C2orf78: variants seen among roughly 807,000 people sequenced by gnomAD.
The protein encoded by C2orf78 is chromosome 2 open reading frame 78.
Under a neutral mutation model 21.4 loss-of-function variants are expected in C2orf78, and 12 were observed. The observed-to-expected ratio is 0.56, with a 90% CI of 0.36 to 0.91. The LOEUF is 0.91. Ranked by LOEUF, C2orf78 falls within the 40% of genes least tolerant of loss-of-function variation. The pLI is 0.01. For missense variants in C2orf78, 1,042 were observed against 1,092.4 expected, an observed-to-expected ratio of 0.95 and a Z score of 0.65; for synonymous variants, 396 against 413.9, an observed-to-expected ratio of 0.96 and a Z score of 0.52.
In C2orf78 at chr2:73,815,402, C is replaced by T. The variant is rs143445466; in HGVS notation, c.1179C>T (p.Pro393=). The change falls in exon 3 of 3, where the codon CCC becomes CCT. Residue 393 remains proline (P), a synonymous_variant. Transcript: ENST00000409561. ...CTCCACTACTTCCTGTAGAAATCCC[C>T]GATATTCACCCGCTTCTGGCCTGCA... is the stretch of plus-strand genomic sequence containing the variant. The T allele has an allele frequency of 6.4e-5, 104 of 1,613,890 alleles. 1 individual carries two copies. The East Asian group carries it at 9.6e-4, about 15-fold the overall frequency.
chr2:73,785,635 G>C (rs1011860895), intron 1 of C2orf78, among the ~76,000 whole-genome samples: 5 of 152,082 alleles, frequency 3.3e-5, no homozygotes, highest in Non-Finnish European at 5.9e-5. Flanking sequence ...AAGGAAACAG[G>C]CTACATTACA....
At chr2:73,814,758 T>G (rs894634719) in intron 2 of C2orf78, among the ~76,000 whole-genome samples, 4 of 152,030 alleles carry the variant, frequency 2.6e-5, no homozygotes, top group Middle Eastern at 3.4e-3. Context: ...CTCAGGAGAG[T>G]GGAGAGAATT....
rs1434538169 is a variant in C2orf78 at position 73,784,302 on chromosome 2, C to A, written c.-8C>A. On this transcript the variant is annotated 5_prime_UTR_variant, in exon 1 of 3. The change creates a new upstream start codon in the 5' untranslated region. Coordinates refer to ENST00000409561, the Ensembl canonical transcript of C2orf78. ...TAACCAGTGACCAGTGGCCTTCATA[C>A]TGGACACATGCACTGGTTGGCTTCA... The A allele has an allele frequency of 4.6e-6, 6 of 1,304,986 alleles. No individual in the cohort carries two copies. The South Asian group carries it at 6.4e-5, about 14-fold the overall frequency. 80.8% of individuals were successfully genotyped at this position (1,304,986 alleles called of 1,614,324 possible).
At chr2:73,815,525 G>T (rs747340657) in exon 3 of C2orf78, 1 of 1,613,796 alleles carries the variant, frequency 6.2e-7, no homozygotes, top group Non-Finnish European at 8.5e-7. Context: ...TTGAAAATGG[G>T]ATTGAGTCTA....
At chr2:73,810,672 A>T (rs1673066133) in intron 1 of C2orf78, among the ~76,000 whole-genome samples, 1 of 134,126 alleles carries the variant, frequency 7.5e-6, no homozygotes, top group African/African-American at 2.9e-5. Flanking sequence ...TATATATAAT[A>T]TAATAAAATA....
chr2:73,816,988 T>C, exon 3 of C2orf78: 7 of 1,605,736 alleles, frequency 4.4e-6, no homozygotes, highest in South Asian at 1.1e-5. Flanking sequence ...GGCTACACAA[T>C]CTAAGAGCTG....
chr2:73,814,095 C>G lies in C2orf78; in HGVS notation c.716C>G (p.Ala239Gly), dbSNP rs754748087. The G allele has an allele frequency of 1.9e-6, 3 of 1,613,038 alleles. No homozygotes were observed. The Admixed American group carries it at 5.0e-5, about 27-fold the overall frequency. Residue 239 changes from alanine (A) to glycine (G), a missense_variant, in exon 2 of 3, where the codon GCT becomes GGT. Physicochemically the swap from Ala to Gly is moderately conservative, Grantham distance 60 (BLOSUM62 0). Coordinates refer to ENST00000409561, the Ensembl canonical transcript of C2orf78. The stretch of plus-strand genomic sequence containing the variant: ...TCTGTGTCATACACAGGATATAGGG[C>G]TTCTGCCCATCAACCAGAAATGGTG...
At chr2:73,809,909 G>C (rs1215226302) in intron 1 of C2orf78, among the ~76,000 whole-genome samples, 2 of 152,084 alleles carry the variant, frequency 1.3e-5, no homozygotes, top group African/African-American at 4.8e-5. Context: ...AAGGAATTTG[G>C]TATTTTAATT....
exon 2 of C2orf78, chr2:73,813,934 T>C: frequency 2.5e-6 from 4 of 1,614,048 alleles, no homozygotes; most frequent in Non-Finnish European, 3.4e-6. Flanking sequence ...CTGCCAGCCT[T>C]GTTCAGGGGA....
chr2:73,815,144 A>G, exon 3 of C2orf78: 1 of 1,613,956 alleles, frequency 6.2e-7, no homozygotes, highest in East Asian at 2.2e-5. Context: ...GTCTGCCACA[A>G]ACTCCAGAAT....
intron 1 of C2orf78, among the ~76,000 whole-genome samples, chr2:73,813,047 T>C (rs758627606): frequency 2.0e-5 from 3 of 152,182 alleles, no homozygotes; most frequent in Non-Finnish European, 4.4e-5. Context: ...ATTAACATAA[T>C]GGTAAAACTT....
rs1478086669 is a variant in C2orf78, at chr2:73,808,247, C to G, written c.98-5230C>G. ...CCAGCCTGGGTGACAGAGCCAGACT[C>G]CATCTCACAAAAAATTCAATAAAAT... On this transcript the variant is annotated intron_variant, in intron 1 of 2. Transcript: ENST00000409561. Among the ~76,000 whole-genome samples, 3 of 150,870 alleles carry G rather than the reference C, an allele frequency of 2.0e-5. No individual in the cohort carries two copies. In the South Asian group the frequency reaches 6.3e-4, roughly 31 times the overall value.
exon 3 of C2orf78, chr2:73,815,837 C>T: frequency 6.2e-7 from 1 of 1,613,754 alleles, no homozygotes; most frequent in South Asian, 1.1e-5. Flanking sequence ...GTGCTACAGT[C>T]AGTAACAGCG....
At chr2:73,815,733 C>A in exon 3 of C2orf78, 1 of 1,613,538 alleles carries the variant, frequency 6.2e-7, no homozygotes, top group Non-Finnish European at 8.5e-7. Context: ...GAAGAACAAG[C>A]ATAAAGCTTC....
chr2:73,816,248 G>T, exon 3 of C2orf78: 1 of 1,613,866 alleles, frequency 6.2e-7, no homozygotes, highest in South Asian at 1.1e-5. Flanking sequence ...AACCATGGCT[G>T]GATATCCAAC....
intron 1 of C2orf78, chr2:73,808,730 G>A (rs1573197245): frequency 2.0e-5 from 31 of 1,514,220 alleles, no homozygotes; most frequent in East Asian, 5.1e-5. Flanking sequence ...TTTCCTGGGC[G>A]TGGCCTGTAA....
exon 3 of C2orf78, chr2:73,815,255 T>C (rs1419812738): frequency 6.2e-7 from 1 of 1,613,764 alleles, no homozygotes; most frequent in African/African-American, 1.3e-5. Context: ...GTCCTACTAA[T>C]CTCTTGACAC....
intron 1 of C2orf78, among the ~76,000 whole-genome samples, chr2:73,809,738 C>A (rs1179138432): frequency 2.0e-5 from 3 of 152,138 alleles, no homozygotes; most frequent in East Asian, 3.9e-4. Context: ...GAGTCAGGTT[C>A]ACACCACTGG....
rs1201097514 is a variant in C2orf78 at position 73,786,129 on chromosome 2, C to T, written c.97+1723C>T. Among the ~76,000 whole-genome samples the T allele has an allele frequency of 3.3e-5, 5 of 152,030 alleles. 1 individual carries two copies. The highest frequency in any genetic ancestry group is 4.8e-5 in the African/African-American group (2 of 41,356). On this transcript the variant is annotated intron_variant, in intron 1 of 2. Transcript: ENST00000409561. ...GTGCGGTGGCTCACACCTGTAATCACAGCACTTTGCAAGGCTGACGCAGGC... is the reference window on the plus strand; with the variant it reads ...GTGCGGTGGCTCACACCTGTAATCATAGCACTTTGCAAGGCTGACGCAGGC...
Sources: gnomAD v4.1 joint callset for allele counts (sites outside exome capture counted in the v4.1 genomes callset) on GRCh38, gnomAD v4.1.1 for gene constraint, MANE v1.5 for transcripts, NCBI Gene and HGNC (gene_info 2026-07-23, HGNC 2026-07-21) for gene names.